Variants in ST7L observed in about 807,000 individuals in gnomAD.
The protein encoded by ST7L is suppressor of tumorigenicity 7 protein-like.
ST7L carries 57 observed loss-of-function variants against 72.5 expected under a neutral mutation model. The ratio of observed to expected loss-of-function variants is 0.79; its 90% confidence interval spans 0.64 to 0.98. ST7L has a LOEUF of 0.98. Ranked by LOEUF, ST7L falls within the 50% of genes least tolerant of loss-of-function variation. The probability of loss-of-function intolerance (pLI) is 0.00; values close to 1 mark genes in which losing one functional copy is unlikely to be tolerated. For missense variants in ST7L, 576 were observed against 672.2 expected (o/e 0.86, Z 1.58); for synonymous variants, 221 against 240.9 (o/e 0.92, Z 0.77).
chr1:112,618,776 G>T, intron 1 of ST7L, 133 bp downstream of exon 1: 1 of 1,444,504 alleles, frequency 6.9e-7, no homozygotes, highest in Non-Finnish European at 9.1e-7. Context: ...AAAAGAAAAA[G>T]AACTCACTTG....
At chr1:112,616,749 G>C (rs1329160147) in intron 2 of ST7L, 64 bp downstream of exon 2, 1 of 1,025,116 alleles carries the variant, frequency 9.8e-7, no homozygotes, top group Non-Finnish European at 1.4e-6. Flanking sequence ...TCTCAAAAAA[G>C]AAAAAAAAAA....
intron 4 of ST7L, among the ~76,000 whole-genome samples, chr1:112,599,692 T>G (rs1281585620): frequency 6.6e-6 from 1 of 152,178 alleles, no homozygotes; most frequent in Admixed American, 6.5e-5. Flanking sequence ...AATTTAGCAC[T>G]CATGCACAGG....
chr1:112,552,388 C>T (rs772556534), intron 12 of ST7L, among the ~76,000 whole-genome samples: 4 of 151,994 alleles, frequency 2.6e-5, no homozygotes, highest in Admixed American at 6.6e-5. Flanking sequence ...AAACTTTTGT[C>T]GCAATTTAGA....
At chr1:112,571,164 T>C in intron 11 of ST7L, 2 of 383,870 alleles carry the variant, frequency 5.2e-6, no homozygotes, top group Non-Finnish European at 1.0e-5. Flanking sequence ...AGCGAGACTG[T>C]CTCAAAAAAA....
chr1:112,572,957 C>A (rs1190579904), intron 11 of ST7L, among the ~76,000 whole-genome samples: 9 of 151,914 alleles, frequency 5.9e-5, no homozygotes, highest in South Asian at 2.1e-4. Context: ...GTAGAAAAAA[C>A]CCAACAAAGC....
chr1:112,528,569 T>C (rs910765631), intron 14 of ST7L: 5 of 152,220 alleles, frequency 3.3e-5, no homozygotes, highest in Non-Finnish European at 7.3e-5. Context: ...TCATTTGAGA[T>C]TCTGGGCTAA....
chr1:112,616,817 A>G lies in ST7L; in HGVS notation c.284T>C (p.Ile95Thr). The stretch of plus-strand genomic sequence containing the variant: ...AAGGAAATGGAAACTACTTACAAAT[A>G]TTAGTCCTGATATCAATGAAGAGGT... Reference protein sequence around the residue: ...TGTSSLISGLIFIFEWWYFHK... With the variant: ...TGTSSLISGLTFIFEWWYFHK... Residue 95 changes from isoleucine (I) to threonine (T), a missense_variant, in exon 2 of 15, where the codon ATA becomes ACA. Physicochemically the swap from Ile to Thr is moderately conservative, Grantham distance 89 (BLOSUM62 -1). Coordinates refer to ENST00000358039, the MANE Select transcript of ST7L (RefSeq NM_017744.5). The G allele has an allele frequency of 6.3e-7, 1 of 1,591,034 alleles. No homozygotes were observed. The highest frequency in any genetic ancestry group is 8.6e-7 in the Non-Finnish European group (1 of 1,169,188).
intron 11 of ST7L, chr1:112,571,238 TC>T (rs1401115751): frequency 1.1e-5 from 5 of 442,574 alleles, no homozygotes; most frequent in African/African-American, 1.0e-4. Context: ...AAAGGGTCTA[TC>T]TACAAACAAT....
chr1:112,555,207 G>A (rs376372746), intron 12 of ST7L, among the ~76,000 whole-genome samples: 2 of 132,104 alleles, frequency 1.5e-5, no homozygotes, highest in African/African-American at 5.8e-5. Flanking sequence ...TGTATACATC[G>A]GAAAACAAAA....
At chr1:112,611,822 A>G (rs1488401594) in intron 2 of ST7L, among the ~76,000 whole-genome samples, 1 of 151,974 alleles carries the variant, frequency 6.6e-6, no homozygotes, top group Non-Finnish European at 1.5e-5. Context: ...ATAAAATATT[A>G]GCTGGGTGAG....
At chr1:112,597,847 A>G in intron 5 of ST7L, 124 bp downstream of exon 5, 1 of 524,438 alleles carries the variant, frequency 1.9e-6, no homozygotes, top group Non-Finnish European at 3.1e-6. Context: ...TTTGTTATCA[A>G]TAATATAAAC....
intron 4 of ST7L, among the ~76,000 whole-genome samples, chr1:112,599,125 T>TACACAC (rs1491192959): frequency 1.7e-5 from 1 of 57,736 alleles, no homozygotes; most frequent in African/African-American, 9.7e-5. Context: ...GATGTGTGTG[T>TACACAC]ATACACACAC....
intron 9 of ST7L, 121 bp downstream of exon 9, chr1:112,581,871 A>C (rs1048342390): frequency 1.4e-6 from 1 of 707,140 alleles, no homozygotes; most frequent in Non-Finnish European, 2.4e-6. Context: ...GCAACCTCTG[A>C]GTGCTAAATA....
intron 4 of ST7L, among the ~76,000 whole-genome samples, chr1:112,598,418 T>C (rs972878278): frequency 1.0e-4 from 15 of 145,814 alleles, no homozygotes; most frequent in African/African-American, 2.0e-4. Context: ...CTGGGCAACA[T>C]AGTGAGCCAG....
chr1:112,577,153 G>C (rs1474650210), intron 10 of ST7L, 65 bp from the exon 11 acceptor site: 2 of 1,089,000 alleles, frequency 1.8e-6, no homozygotes, highest in Non-Finnish European at 2.6e-6. Flanking sequence ...TATGAATTTA[G>C]ATAATAATAC....
downstream of ST7L, chr1:112,523,362 G>A (rs1004956260): frequency 6.6e-6 from 1 of 152,204 alleles, no homozygotes; most frequent in East Asian, 1.9e-4. Context: ...AGAGAGAAAT[G>A]ATGTCCATTT....
chr1:112,604,930 C>A (rs1232717263), intron 3 of ST7L, among the ~76,000 whole-genome samples: 1 of 139,148 alleles, frequency 7.2e-6, no homozygotes, highest in Non-Finnish European at 1.5e-5. Flanking sequence ...TACTAAAATA[C>A]AAAAAAAATA....
chr1:112,609,805 A>G (rs1203895973), intron 3 of ST7L, among the ~76,000 whole-genome samples: 2 of 152,186 alleles, frequency 1.3e-5, no homozygotes, highest in East Asian at 3.8e-4. Context: ...CTGGCAACAG[A>G]CAAGATTCTG....
chr1:112,569,263 T>G (rs1230431582), intron 11 of ST7L, among the ~76,000 whole-genome samples: 1 of 152,210 alleles, frequency 6.6e-6, no homozygotes, highest in Non-Finnish European at 1.5e-5. Flanking sequence ...CAAAAACTTG[T>G]ACATGAATGT....
Sources: gnomAD v4.1 joint callset for allele counts (sites outside exome capture counted in the v4.1 genomes callset) on GRCh38, gnomAD v4.1.1 for gene constraint, MANE v1.5 for transcripts, NCBI Gene and HGNC (gene_info 2026-07-23, HGNC 2026-07-21) for gene names.